FAM53B: variants seen among roughly 807,000 people sequenced by gnomAD.
FAM53B encodes family with sequence similarity 53 member B, also known as protein FAM53B.
A neutral mutation model predicts 32.7 loss-of-function variants in FAM53B; 12 were observed. That is an observed-to-expected ratio of 0.37 (90% CI 0.24 to 0.59). The LOEUF (loss-of-function observed/expected upper bound fraction) is 0.59. Among genes scored for constraint, FAM53B ranks in the 20% least tolerant of loss-of-function variants. FAM53B has a pLI of 0.72. For missense variants in FAM53B, 477 were observed against 577.7 expected, an observed-to-expected ratio of 0.83 and a Z score of 1.79; for synonymous variants, 234 against 228.7, an observed-to-expected ratio of 1.02 and a Z score of -0.21.
At chr10:124,693,942 C>A (rs541851054) in intron 3 of FAM53B, among the ~76,000 whole-genome samples, 1 of 152,328 alleles carries the variant, frequency 6.6e-6, no homozygotes, top group East Asian at 1.9e-4. Flanking sequence ...TGACAGCAAG[C>A]CACTGAAAAT....
intron 2 of FAM53B, among the ~76,000 whole-genome samples, chr10:124,697,751 A>T (rs1464786945): frequency 6.6e-6 from 1 of 152,054 alleles, no homozygotes; most frequent in African/African-American, 2.4e-5. Flanking sequence ...TCTAGGGCGG[A>T]AGGGGAACGG....
chr10:124,681,239 AT>A (rs1949768931), intron 4 of FAM53B, among the ~76,000 whole-genome samples: 1 of 152,272 alleles, frequency 6.6e-6, no homozygotes, highest in Admixed American at 6.5e-5. Context: ...GTGTGTGTGT[AT>A]ATCTCTTGCA....
Position 124,676,212 on chromosome 10 carries a change from T to G in FAM53B, c.906+5395A>C, listed in dbSNP as rs187367606. Among the ~76,000 whole-genome samples the G allele has an allele frequency of 7.4e-4, 113 of 152,368 alleles. 3 individuals carry two copies. In the South Asian group the frequency reaches 0.022, roughly 30 times the overall value. On this transcript the variant is annotated intron_variant, in intron 4 of 4. Transcript: ENST00000337318. ...TGCCTTTACTTGTATTTAGCATTTC[T>G]TTCATTGCAATGGGCTTTCTAGGGC...
At chr10:124,640,284 AGCACCCTCAGCCT>A (rs1949462040) in intron 4 of FAM53B, among the ~76,000 whole-genome samples, 1 of 152,224 alleles carries the variant, frequency 6.6e-6, no homozygotes, top group African/African-American at 2.4e-5. Context: ...CTCTCCGGCC[AGCACCCTCAGCCT>A]GCACAGCTCT....
intron 4 of FAM53B, among the ~76,000 whole-genome samples, chr10:124,670,346 A>G (rs1393193629): frequency 6.6e-6 from 1 of 152,148 alleles, no homozygotes; most frequent in Non-Finnish European, 1.5e-5. Flanking sequence ...GTGGAAGATA[A>G]GCATAGCAGT....
chr10:124,686,702 G>A (rs1414638879), intron 3 of FAM53B, among the ~76,000 whole-genome samples: 3 of 152,258 alleles, frequency 2.0e-5, no homozygotes, highest in African/African-American at 7.2e-5. Context: ...GCCTAGCACA[G>A]AGCAGGGCAC....
intron 1 of FAM53B, among the ~76,000 whole-genome samples, chr10:124,711,187 ACT>A (rs1417890898): frequency 6.6e-6 from 1 of 152,140 alleles, no homozygotes; most frequent in Non-Finnish European, 1.5e-5. Context: ...GCCTCCAGAG[ACT>A]CATGCAGAGT....
chr10:124,623,564 C>A lies in FAM53B; in HGVS notation c.947G>T (p.Gly316Val). 1 of 1,604,432 alleles carries A rather than the reference C, an allele frequency of 6.2e-7. No individual in the cohort carries two copies. The highest frequency in any genetic ancestry group is 1.1e-5 in the South Asian group (1 of 89,562). ...TFSSLSCLSA[G>V]TEDCGPQSPF... ...GCTCTGGGGACCGCAGTCCTCTGTC[C>A]CTGCGCTCAGGCAGCTGAGGCTGCT... Residue 316 changes from glycine (G) to valine (V), a missense_variant, in exon 5 of 5, where the codon GGG (glycine) becomes GTG (valine). Transcript: ENST00000337318.
intron 1 of FAM53B, among the ~76,000 whole-genome samples, chr10:124,735,842 C>T (rs1345807502): frequency 2.0e-5 from 3 of 152,348 alleles, no homozygotes; most frequent in East Asian, 3.9e-4. Flanking sequence ...GAGAGACAGT[C>T]GCCTGCTCAA....
At chr10:124,679,091 G>A (rs538549637) in intron 4 of FAM53B, among the ~76,000 whole-genome samples, 13 of 152,304 alleles carry the variant, frequency 8.5e-5, no homozygotes, top group Admixed American at 6.5e-4. Context: ...CCCCAAAGGC[G>A]AATGTGTAAA....
intron 4 of FAM53B, among the ~76,000 whole-genome samples, chr10:124,628,349 G>A (rs1419163644): frequency 6.6e-6 from 1 of 152,184 alleles, no homozygotes; most frequent in Non-Finnish European, 1.5e-5. Context: ...GGAGCAGATA[G>A]TGACCACTCC....
chr10:124,695,232 C>T (rs937719894), intron 3 of FAM53B, among the ~76,000 whole-genome samples: 3 of 152,168 alleles, frequency 2.0e-5, no homozygotes, highest in Admixed American at 6.5e-5. Flanking sequence ...TCTGAGTCCA[C>T]GCAGACGTTA....
chr10:124,726,583 G>A (rs985693607), intron 1 of FAM53B, among the ~76,000 whole-genome samples: 1 of 152,198 alleles, frequency 6.6e-6, no homozygotes, highest in African/African-American at 2.4e-5. Context: ...AAACCATTTG[G>A]AATGACACTA....
At position 124,744,070 on chromosome 10, in the gene FAM53B, A is replaced by G. The variant is rs1950217793; in HGVS notation, c.-232T>C. ...CGCGCCGTCACCGCCAGCGCTCGCC[A>G]AGTCGTCCGGGGTGCCCGCCGCGCG... On this transcript the variant is annotated 5_prime_UTR_variant, in exon 1 of 5. Coordinates refer to ENST00000337318, the MANE Select transcript of FAM53B (RefSeq NM_014661.4). The G allele has an allele frequency of 6.8e-6, 1 of 146,640 alleles. No homozygotes were observed. The highest frequency in any genetic ancestry group is 6.8e-5 in the Admixed American group (1 of 14,784). The allele number at this position is 146,640 out of a possible 1,614,324, so 9.1% of individuals were successfully genotyped here. A position where few individuals can be genotyped will look rare whatever the true frequency, so the allele number is the denominator to read the frequency against.
chr10:124,722,757 G>C (rs894177764), intron 1 of FAM53B, among the ~76,000 whole-genome samples: 1 of 152,110 alleles, frequency 6.6e-6, no homozygotes, highest in Non-Finnish European at 1.5e-5. Flanking sequence ...AATATCTCTG[G>C]GAGGACAAAC....
intron 3 of FAM53B, among the ~76,000 whole-genome samples, chr10:124,686,627 G>T (rs4962398): frequency 0.93 from 141,204 of 152,308 alleles, 66,078 homozygotes; most frequent in Non-Finnish European, 0.99. Flanking sequence ...ACTGATCTGC[G>T]TACACATCTA....
intron 4 of FAM53B, among the ~76,000 whole-genome samples, chr10:124,637,847 C>T (rs964411211): frequency 1.3e-5 from 2 of 152,230 alleles, no homozygotes; most frequent in East Asian, 3.8e-4. Flanking sequence ...CATAGCCCAG[C>T]TGAAATGAAA....
At chr10:124,726,009 G>A (rs918124509) in intron 1 of FAM53B, among the ~76,000 whole-genome samples, 3 of 152,180 alleles carry the variant, frequency 2.0e-5, no homozygotes, top group African/African-American at 7.2e-5. Flanking sequence ...ACCCGGATCA[G>A]TAGAGAATTG....
Position 124,623,283 on chromosome 10 carries a change from G to T in FAM53B, c.1228C>A (p.Leu410Met), listed in dbSNP as rs1013263198. The T allele has an allele frequency of 1.2e-6, 2 of 1,611,004 alleles. No individual in the cohort carries two copies. Among genetic ancestry groups the T allele is most frequent in the African/African-American group, 2.7e-5 (2 of 74,860 alleles). The stretch of plus-strand genomic sequence containing the variant: ...TGCTCAATGTCCAACTCGCCGTCCA[G>T]GGAGCAGAGGCTGTTCCCAGGGGCC... ...RGAPGNSLCS[L>M]DGELDIEQIE... The change falls in exon 5 of 5, where the codon CTG (leucine) becomes ATG (methionine). Residue 410 changes from leucine to methionine, a missense_variant. Physicochemically the swap from Leu to Met is conservative, Grantham distance 15. Coordinates refer to ENST00000337318, the MANE Select transcript of FAM53B (RefSeq NM_014661.4).
Sources: allele counts gnomAD v4.1 joint callset (sites outside exome capture counted in the v4.1 genomes callset), GRCh38; gene constraint gnomAD v4.1.1; transcripts MANE v1.5; gene names NCBI Gene and HGNC (gene_info 2026-07-23, HGNC 2026-07-21).